The following SLC39A11 variants were observed in gnomAD, a reference collection of about 807,000 sequenced individuals.
SLC39A11 encodes solute carrier family 39 member 11.
SLC39A11 carries 33 observed loss-of-function variants against 36.1 expected under a neutral mutation model. The ratio of observed to expected loss-of-function variants is 0.91; its 90% confidence interval spans 0.69 to 1.22. The LOEUF (loss-of-function observed/expected upper bound fraction) is 1.22, where lower values mean the gene tolerates loss of function less well. SLC39A11 is among the 50% of genes most tolerant of loss of function. The pLI is 0.00. For synonymous variants in SLC39A11, 166 were observed against 170.3 expected, an observed-to-expected ratio of 0.97 and a Z score of 0.20; for missense variants, 432 against 430.3, an observed-to-expected ratio of 1.00 and a Z score of -0.03.
At chr17:72,689,003 C>T (rs1363619211) in intron 7 of SLC39A11, among the ~76,000 whole-genome samples, 2 of 152,190 alleles carry the variant, frequency 1.3e-5, no homozygotes, top group African/African-American at 2.4e-5. Context: ...TTTCCCCCCA[C>T]ACTGCCCAGG....
chr17:72,916,161 G>C (rs1363018727), intron 5 of SLC39A11, among the ~76,000 whole-genome samples: 3 of 151,664 alleles, frequency 2.0e-5, no homozygotes, highest in Non-Finnish European at 4.4e-5. Context: ...TCCAAGACAC[G>C]ACATTGTGAG....
At chr17:72,993,392 T>C (rs111454656) in intron 4 of SLC39A11, among the ~76,000 whole-genome samples, 1,768 of 152,296 alleles carry the variant, frequency 0.012, 15 homozygotes, top group Middle Eastern at 0.02. Context: ...TTAGAATCTG[T>C]AGGAGTTGAA....
At chr17:73,002,746 T>C (rs9904808) in intron 4 of SLC39A11, among the ~76,000 whole-genome samples, 3,912 of 152,324 alleles carry the variant, frequency 0.026, 77 homozygotes, top group Middle Eastern at 0.078. Flanking sequence ...CTCATAATTC[T>C]GAAGGCCAGA....
At chr17:72,899,257 CT>C (rs2082191244) in intron 5 of SLC39A11, among the ~76,000 whole-genome samples, 1 of 152,046 alleles carries the variant, frequency 6.6e-6, no homozygotes, top group East Asian at 1.9e-4. Context: ...TGCCCCTCCC[CT>C]GCCACCACTC....
intron 7 of SLC39A11, among the ~76,000 whole-genome samples, chr17:72,730,324 GACCTTTAT>G (rs1372752142): frequency 1.3e-5 from 2 of 152,134 alleles, no homozygotes; most frequent in African/African-American, 4.8e-5. Flanking sequence ...CTTAAGTACT[GACCTTTAT>G]CCCTTATCTG....
chr17:72,998,148 G>A lies in SLC39A11; in HGVS notation c.306+33408C>T, dbSNP rs752197613. Reference sequence around the variant, plus strand: ...TGAACAGAAATGTGTTTTGATTGACGGCCCTCAGGTTCGATACTATCCAGG... The same window carrying A: ...TGAACAGAAATGTGTTTTGATTGACAGCCCTCAGGTTCGATACTATCCAGG... On this transcript the variant is annotated intron_variant, in intron 4 of 9. Coordinates refer to ENST00000255559, the MANE Select transcript of SLC39A11 (RefSeq NM_139177.4). Among the ~76,000 whole-genome samples the A allele has an allele frequency of 9.9e-5, 15 of 152,178 alleles. No homozygotes were observed. The South Asian group carries it at 1.5e-3, about 15-fold the overall frequency.
chr17:72,809,554 T>C lies in SLC39A11; in HGVS notation c.601+40080A>G, dbSNP rs117590352. Among the ~76,000 whole-genome samples the C allele has an allele frequency of 6.7e-3, 1,020 of 152,316 alleles. 4 individuals are homozygous for C. Among genetic ancestry groups the C allele is most frequent in the Admixed American group, 0.011 (171 of 15,286 alleles). The stretch of plus-strand genomic sequence containing the variant: ...CATCTTTCTCTACTCTTTGTCCATT[T>C]CTGCATCCATGGTTCAAATATCTGA... On this transcript the variant is annotated intron_variant, in intron 6 of 9. Transcript: ENST00000255559.
chr17:72,893,468 A>AAT (rs1555618968), intron 5 of SLC39A11, among the ~76,000 whole-genome samples: 1,667 of 151,920 alleles, frequency 0.011, 38 homozygotes, highest in African/African-American at 0.037. Flanking sequence ...AGGGAAAAAA[A>AAT]ATATATATAT....
chr17:72,912,999 T>A (rs907243278), intron 5 of SLC39A11, among the ~76,000 whole-genome samples: 68 of 152,288 alleles, frequency 4.5e-4, no homozygotes, highest in African/African-American at 1.6e-3. Flanking sequence ...TCTGCTTTTT[T>A]AAATATGCTT....
intron 5 of SLC39A11, among the ~76,000 whole-genome samples, chr17:72,944,607 T>C (rs1377673235): frequency 6.6e-6 from 1 of 152,198 alleles, no homozygotes; most frequent in Non-Finnish European, 1.5e-5. Flanking sequence ...TTGGTACTCA[T>C]GCATGGAGCC....
At position 72,674,291 on chromosome 17, in the gene SLC39A11, T is replaced by A. The variant is rs191449452; in HGVS notation, c.672-25023A>T. ...CTTCCTTTTTACATCAGTGACAGTA[T>A]ACTACAGATACTCATTTGTATTTAG... On this transcript the variant is annotated intron_variant, in intron 7 of 9. Coordinates refer to ENST00000255559, the MANE Select transcript of SLC39A11 (RefSeq NM_139177.4). Among the ~76,000 whole-genome samples the A allele has an allele frequency of 1.6e-3, 244 of 152,342 alleles. 1 individual carries two copies. Among genetic ancestry groups the A allele is most frequent in the African/African-American group, 5.7e-3 (235 of 41,572 alleles).
intron 7 of SLC39A11, among the ~76,000 whole-genome samples, chr17:72,711,079 C>G (rs1200422746): frequency 1.3e-5 from 2 of 152,178 alleles, no homozygotes; most frequent in Non-Finnish European, 2.9e-5. Context: ...TCCTGCCTAC[C>G]TTTGCAGCCT....
At chr17:72,740,068 T>C (rs1206583258) in intron 6 of SLC39A11, among the ~76,000 whole-genome samples, 1 of 131,450 alleles carries the variant, frequency 7.6e-6, no homozygotes, top group Non-Finnish European at 1.6e-5. Flanking sequence ...TTTTTTTTTT[T>C]TTTTTTTTTT....
At chr17:72,709,535 C>T (rs1472416109) in intron 7 of SLC39A11, among the ~76,000 whole-genome samples, 2 of 152,198 alleles carry the variant, frequency 1.3e-5, no homozygotes, top group Non-Finnish European at 1.5e-5. Context: ...AGCCAAATAT[C>T]TTCCTTCTCA....
chr17:72,870,603 T>C (rs1419033712), intron 5 of SLC39A11, among the ~76,000 whole-genome samples: 1 of 152,192 alleles, frequency 6.6e-6, no homozygotes, highest in African/African-American at 2.4e-5. Context: ...CCCCAGATGC[T>C]CTCCAGATGC....
intron 6 of SLC39A11, among the ~76,000 whole-genome samples, chr17:72,747,286 G>A (rs117720936): frequency 0.035 from 5,358 of 152,258 alleles, 126 homozygotes; most frequent in Middle Eastern, 0.078. Flanking sequence ...AAGTAGCTGG[G>A]ACTACAAGTG....
intron 3 of SLC39A11, among the ~76,000 whole-genome samples, chr17:73,049,444 G>A (rs957646467): frequency 3.9e-5 from 6 of 152,204 alleles, no homozygotes; most frequent in Admixed American, 6.5e-5. Flanking sequence ...GAACAGAAGA[G>A]GTCAAGGCAG....
chr17:72,737,401 G>A (rs556346860), intron 6 of SLC39A11, among the ~76,000 whole-genome samples: 1 of 152,246 alleles, frequency 6.6e-6, no homozygotes, highest in African/African-American at 2.4e-5. Context: ...CATAGTACAT[G>A]AGCACAGTTG....
At chr17:72,652,925 C>T (rs1009768666) in intron 7 of SLC39A11, among the ~76,000 whole-genome samples, 1 of 152,190 alleles carries the variant, frequency 6.6e-6, no homozygotes, top group African/African-American at 2.4e-5. Flanking sequence ...TGGATTCTTG[C>T]TTCTCCTAGG....
Sources: allele counts gnomAD v4.1 joint callset (sites outside exome capture counted in the v4.1 genomes callset), GRCh38; gene constraint gnomAD v4.1.1; transcripts MANE v1.5; gene names NCBI Gene and HGNC (gene_info 2026-07-23, HGNC 2026-07-21).